The following NLGN1 variants were observed in gnomAD, a reference collection of about 807,000 sequenced individuals.
NLGN1 encodes neuroligin-1.
NLGN1 carries 12 observed loss-of-function variants against 65.5 expected under a neutral mutation model. That is an observed-to-expected ratio of 0.18 (90% CI 0.12 to 0.30). The LOEUF is 0.30. Among genes scored for constraint, NLGN1 ranks in the 10% least tolerant of loss-of-function variants. NLGN1 has a pLI of 1.00. For missense variants in NLGN1, 750 were observed against 1,007.1 expected, an observed-to-expected ratio of 0.74 and a Z score of 3.46; for synonymous variants, 350 against 359.5, an observed-to-expected ratio of 0.97 and a Z score of 0.30.
intron 3 of NLGN1, among the ~76,000 whole-genome samples, chr3:173,612,611 C>T (rs1752476352): frequency 3.3e-5 from 5 of 152,082 alleles, no homozygotes; most frequent in Admixed American, 6.6e-5. Flanking sequence ...GGTCTTCTTA[C>T]ACAGGTGCTG....
intron 4 of NLGN1, among the ~76,000 whole-genome samples, chr3:174,209,481 A>C (rs962722267): frequency 6.6e-6 from 1 of 152,154 alleles, no homozygotes; most frequent in Non-Finnish European, 1.5e-5. Context: ...AAATTCCTGC[A>C]GGTAAATGCC....
intron 4 of NLGN1, among the ~76,000 whole-genome samples, chr3:173,934,473 C>A (rs1167396878): frequency 1.3e-5 from 2 of 151,904 alleles, no homozygotes; most frequent in East Asian, 3.9e-4. Context: ...TGCATGCAAA[C>A]CACAGGTTAC....
chr3:173,398,782 T>C (rs1717094127), intron 1 of NLGN1, among the ~76,000 whole-genome samples: 1 of 152,232 alleles, frequency 6.6e-6, no homozygotes, highest in Non-Finnish European at 1.5e-5. Flanking sequence ...GTTAATATAC[T>C]CATTTTCCCT....
At chr3:173,972,544 G>A (rs964047700) in intron 4 of NLGN1, among the ~76,000 whole-genome samples, 2 of 152,062 alleles carry the variant, frequency 1.3e-5, no homozygotes, top group Non-Finnish European at 1.5e-5. Flanking sequence ...ACCTTGAATA[G>A]CACACTTTCA....
chr3:174,029,368 T>C (rs941818245), intron 4 of NLGN1, among the ~76,000 whole-genome samples: 9 of 152,206 alleles, frequency 5.9e-5, no homozygotes, highest in African/African-American at 2.2e-4. Flanking sequence ...GCTTAATGAC[T>C]ACCCTATTGG....
chr3:174,085,990 T>G lies in NLGN1; in HGVS notation c.647-189325T>G, dbSNP rs558050589. On this transcript the variant is annotated intron_variant, in intron 4 of 6. Transcript: ENST00000457714. ...ATGATGATTGTCAATGGATTTGTAA[T>G]GAAATTAACAAATTTTTGGATAAAA... is the stretch of plus-strand genomic sequence containing the variant. Among the ~76,000 whole-genome samples the G allele has an allele frequency of 1.7e-3, 256 of 152,146 alleles. 1 individual carries two copies. Among genetic ancestry groups the G allele is most frequent in the South Asian group, 2.7e-3 (13 of 4,828 alleles).
chr3:173,446,915 GT>G (rs1298142008), intron 2 of NLGN1, among the ~76,000 whole-genome samples: 1 of 152,058 alleles, frequency 6.6e-6, no homozygotes, highest in Non-Finnish European at 1.5e-5. Context: ...GGGGTTGTTT[GT>G]TTTTTTCTTG....
chr3:174,266,514 A>G (rs1748278775), intron 4 of NLGN1, among the ~76,000 whole-genome samples: 1 of 152,142 alleles, frequency 6.6e-6, no homozygotes. Flanking sequence ...TGCTGCAATG[A>G]ACATACATGT....
intron 4 of NLGN1, among the ~76,000 whole-genome samples, chr3:174,076,086 T>TATATGTG (rs1257950117): frequency 6.6e-6 from 1 of 152,180 alleles, no homozygotes; most frequent in Non-Finnish European, 1.5e-5. Flanking sequence ...ATTTGTCAAA[T>TATATGTG]ATATGTGATA....
At chr3:174,067,419 A>C (rs1222781728) in intron 4 of NLGN1, among the ~76,000 whole-genome samples, 2 of 152,144 alleles carry the variant, frequency 1.3e-5, no homozygotes, top group East Asian at 3.8e-4. Flanking sequence ...CCCAGAATTG[A>C]TTTCCTTCCT....
intron 3 of NLGN1, among the ~76,000 whole-genome samples, chr3:173,607,578 C>G (rs1751582289): frequency 6.6e-6 from 1 of 151,572 alleles, no homozygotes. Context: ...GAGTAGAAAT[C>G]ATTTTTCCGA....
chr3:173,969,966 T>A (rs1174643252), intron 4 of NLGN1, among the ~76,000 whole-genome samples: 1 of 152,084 alleles, frequency 6.6e-6, no homozygotes, highest in Non-Finnish European at 1.5e-5. Flanking sequence ...CCTATTTTTA[T>A]TATATAACTG....
At chr3:173,580,565 A>G (rs1397904006) in intron 2 of NLGN1, among the ~76,000 whole-genome samples, 2 of 152,026 alleles carry the variant, frequency 1.3e-5, no homozygotes, top group Admixed American at 1.3e-4. Flanking sequence ...AATAATTTGT[A>G]TCATGAAGGA....
intron 4 of NLGN1, among the ~76,000 whole-genome samples, chr3:173,967,319 C>T (rs1352760245): frequency 6.6e-6 from 1 of 152,186 alleles, no homozygotes; most frequent in African/African-American, 2.4e-5. Context: ...TGGCTCCCTT[C>T]AAGTGACTGT....
At chr3:173,404,067 G>A (rs916233420) in intron 1 of NLGN1, among the ~76,000 whole-genome samples, 3 of 152,006 alleles carry the variant, frequency 2.0e-5, no homozygotes, top group African/African-American at 7.2e-5. Context: ...GCAGACAGGT[G>A]GGAAACTAAG....
chr3:173,777,524 A>G (rs1012523269), intron 3 of NLGN1, among the ~76,000 whole-genome samples: 2 of 151,896 alleles, frequency 1.3e-5, no homozygotes, highest in African/African-American at 2.4e-5. Context: ...AGAACATTCA[A>G]AAACCTTTTA....
At chr3:173,764,353 A>C (rs972745178) in intron 3 of NLGN1, among the ~76,000 whole-genome samples, 1 of 152,196 alleles carries the variant, frequency 6.6e-6, no homozygotes, top group Admixed American at 6.5e-5. Flanking sequence ...ATGAAGGGCC[A>C]TGGACAGACT....
chr3:174,203,991 T>A (rs1281194253), intron 4 of NLGN1, among the ~76,000 whole-genome samples: 4 of 152,194 alleles, frequency 2.6e-5, no homozygotes, highest in Admixed American at 6.5e-5. Context: ...ATCATAGCAT[T>A]AATATTAACA....
chr3:173,582,869 ATGT>A (rs1170164564), intron 2 of NLGN1, among the ~76,000 whole-genome samples: 2 of 152,086 alleles, frequency 1.3e-5, no homozygotes, highest in Non-Finnish European at 2.9e-5. Flanking sequence ...TTCCCTCTAA[ATGT>A]TGTAAAATTT....
Sources: allele counts gnomAD v4.1 joint callset (sites outside exome capture counted in the v4.1 genomes callset), GRCh38; gene constraint gnomAD v4.1.1; transcripts MANE v1.5; gene names NCBI Gene and HGNC (gene_info 2026-07-23, HGNC 2026-07-21).